The following PTPRD variants were observed in gnomAD, a reference collection of about 807,000 sequenced individuals.
PTPRD encodes the protein protein tyrosine phosphatase receptor type D.
In PTPRD, 34 loss-of-function variants were observed where a neutral mutation model predicts 214.5. That is an observed-to-expected ratio of 0.16 (90% confidence interval 0.12 to 0.21). The LOEUF (loss-of-function observed/expected upper bound fraction) is 0.21. Among genes scored for constraint, PTPRD ranks in the 10% least tolerant of loss-of-function variants. The pLI, the probability that PTPRD is intolerant of heterozygous loss-of-function variation, is 1.00. For missense variants in PTPRD, 2,545 were observed against 2,398.7 expected (o/e 1.06, Z -1.27); for synonymous variants, 1,128 against 845.7 (o/e 1.33, Z -5.79).
intron 9 of PTPRD, among the ~76,000 whole-genome samples, chr9:9,258,104 G>C (rs982205657): frequency 1.3e-5 from 2 of 149,958 alleles, no homozygotes; most frequent in African/African-American, 4.9e-5. Flanking sequence ...TAGATAGATA[G>C]ATAGATAGAT....
At chr9:10,488,033 GT>G (rs2099144546) in intron 2 of PTPRD, among the ~76,000 whole-genome samples, 1 of 143,988 alleles carries the variant, frequency 6.9e-6, no homozygotes, top group Non-Finnish European at 1.5e-5. Context: ...GAGCTGGGGG[GT>G]GGTGTGACAC....
At chr9:9,966,608 G>C (rs542745524) in intron 4 of PTPRD, among the ~76,000 whole-genome samples, 1 of 152,094 alleles carries the variant, frequency 6.6e-6, no homozygotes, top group South Asian at 2.1e-4. Context: ...ACTTAAATAT[G>C]TTGTAGTCAC....
rs74610564 is a variant in PTPRD at position 9,724,766 on chromosome 9, C to G, written c.-287+9767G>C. Among the ~76,000 whole-genome samples the G allele has an allele frequency of 5.5e-4, 84 of 152,158 alleles. 1 individual carries two copies. Among genetic ancestry groups the G allele is most frequent in the Non-Finnish European group, 6.3e-4 (43 of 67,994 alleles). On this transcript the variant is annotated intron_variant, in intron 7 of 45. Coordinates refer to ENST00000381196, the MANE Select transcript of PTPRD (RefSeq NM_002839.4). ...CTTTACAACTGCTCTTTAAGGTATC[C>G]CCATTTACAGTGGAGGAAATGGAGG...
intron 3 of PTPRD, among the ~76,000 whole-genome samples, chr9:10,138,728 G>C (rs2154264809): frequency 6.6e-6 from 1 of 152,218 alleles, no homozygotes; most frequent in East Asian, 1.9e-4. Context: ...TTCTTCCTGG[G>C]ATGCAAGGTT....
chr9:10,161,239 GAT>G (rs2099125546), intron 3 of PTPRD, among the ~76,000 whole-genome samples: 1 of 151,700 alleles, frequency 6.6e-6, no homozygotes, highest in African/African-American at 2.4e-5. Context: ...ATCACAAAAA[GAT>G]CCTGAATAGC....
intron 10 of PTPRD, among the ~76,000 whole-genome samples, chr9:9,138,245 A>G (rs1761617180): frequency 6.6e-6 from 1 of 152,128 alleles, no homozygotes; most frequent in Non-Finnish European, 1.5e-5. Context: ...ATTACACAGT[A>G]TCTGCATCAG....
chr9:10,310,534 G>C (rs1203744708), intron 3 of PTPRD, among the ~76,000 whole-genome samples: 1 of 151,900 alleles, frequency 6.6e-6, no homozygotes, highest in Non-Finnish European at 1.5e-5. Flanking sequence ...TAATGTTTCT[G>C]TGACAAAAGA....
chr9:10,109,326 A>C (rs1050608575), intron 3 of PTPRD, among the ~76,000 whole-genome samples: 7 of 152,186 alleles, frequency 4.6e-5, no homozygotes, highest in African/African-American at 1.7e-4. Context: ...GAAACGGTTG[A>C]TGTTAAATTG....
chr9:9,663,677 C>G (rs1454482119), intron 7 of PTPRD, among the ~76,000 whole-genome samples: 1 of 151,562 alleles, frequency 6.6e-6, no homozygotes, highest in African/African-American at 2.4e-5. Context: ...TCACTAACAC[C>G]TGAATTTGAT....
At chr9:10,003,013 C>T (rs1487447906) in intron 4 of PTPRD, among the ~76,000 whole-genome samples, 2 of 151,338 alleles carry the variant, frequency 1.3e-5, no homozygotes, top group African/African-American at 4.8e-5. Flanking sequence ...GATAAAATTA[C>T]AAATCAATTA....
At chr9:8,450,444 A>C (rs1230708155) in intron 33 of PTPRD, among the ~76,000 whole-genome samples, 4 of 152,206 alleles carry the variant, frequency 2.6e-5, no homozygotes, top group Non-Finnish European at 4.4e-5. Flanking sequence ...GTGAAGGAAA[A>C]AAAACAGTGT....
intron 3 of PTPRD, among the ~76,000 whole-genome samples, chr9:10,195,098 ATTT>A (rs34900305): frequency 1.1e-3 from 104 of 97,918 alleles, no homozygotes; most frequent in African/African-American, 4.0e-3. Flanking sequence ...ATACCCGGCT[ATTT>A]TTTTTTTTTT....
At chr9:9,147,586 T>C (rs570380807) in intron 10 of PTPRD, among the ~76,000 whole-genome samples, 1 of 152,272 alleles carries the variant, frequency 6.6e-6, no homozygotes, top group South Asian at 2.1e-4. Context: ...TTAATGTCCA[T>C]GAATAAAGCT....
At chr9:9,333,506 A>ATATATATATATATAATAT (rs2043177363) in intron 9 of PTPRD, among the ~76,000 whole-genome samples, 1 of 39,390 alleles carries the variant, frequency 2.5e-5, no homozygotes, top group African/African-American at 1.5e-4. Context: ...ATAGTATATT[A>ATATATATATATATAATAT]TATATATATA....
At chr9:10,074,878 C>T (rs542821621) in intron 3 of PTPRD, among the ~76,000 whole-genome samples, 1 of 152,130 alleles carries the variant, frequency 6.6e-6, no homozygotes, top group Non-Finnish European at 1.5e-5. Context: ...ATGATGGAAG[C>T]ATTGCTTCCC....
At chr9:9,968,227 G>A (rs937852593) in intron 4 of PTPRD, among the ~76,000 whole-genome samples, 1 of 152,262 alleles carries the variant, frequency 6.6e-6, no homozygotes, top group African/African-American at 2.4e-5. Flanking sequence ...GACATTTGAA[G>A]GCCACAGATT....
At chr9:8,808,193 A>C (rs1242055997) in intron 11 of PTPRD, among the ~76,000 whole-genome samples, 1 of 152,162 alleles carries the variant, frequency 6.6e-6, no homozygotes, top group African/African-American at 2.4e-5. Flanking sequence ...AGCACACATG[A>C]GTCAAGGATG....
chr9:10,357,614 C>G (rs962509682), intron 2 of PTPRD, among the ~76,000 whole-genome samples: 1 of 152,110 alleles, frequency 6.6e-6, no homozygotes, highest in Non-Finnish European at 1.5e-5. Flanking sequence ...TTATTATATC[C>G]TTTTGTGCTG....
At chr9:10,354,448 C>G (rs2097236992) in intron 2 of PTPRD, among the ~76,000 whole-genome samples, 2 of 152,120 alleles carry the variant, frequency 1.3e-5, no homozygotes, top group South Asian at 4.1e-4. Flanking sequence ...CTCTTCATCA[C>G]TTTTATGAAT....
Sources: gnomAD v4.1 joint callset for allele counts (sites outside exome capture counted in the v4.1 genomes callset) on GRCh38, gnomAD v4.1.1 for gene constraint, MANE v1.5 for transcripts, NCBI Gene and HGNC (gene_info 2026-07-23, HGNC 2026-07-21) for gene names.